LUZP2: variants seen among roughly 807,000 people sequenced by gnomAD.
LUZP2 encodes the protein leucine zipper protein 2.
In LUZP2, 52 loss-of-function variants were observed where a neutral mutation model predicts 51.6. That is an observed-to-expected ratio of 1.01 (90% CI 0.81 to 1.27). The LOEUF (loss-of-function observed/expected upper bound fraction) is 1.27, where lower values mean the gene tolerates loss of function less well. Ranked by LOEUF, LUZP2 falls within the 50% of genes most tolerant of loss-of-function variation. LUZP2 has a pLI of 0.00. For synonymous variants in LUZP2, 154 were observed against 137.3 expected (o/e 1.12, Z -0.85); for missense variants, 436 against 395.4 (o/e 1.10, Z -0.87).
rs571183533 is a variant in LUZP2 at position 24,742,057 on chromosome 11, T to TTTTATATATATATATATATA, written c.333+3756_333+3757insTTATATATATATATATATAT. Reference sequence around the variant, plus strand: ...TATAAATACATAAAAATAAATATAATTATATATATATATATATATCACCAT... The same window carrying TTTTATATATATATATATATA: ...TATAAATACATAAAAATAAATATAATTTTATATATATATATATATATATATATATATATATATATCACCAT... On this transcript the variant is annotated intron_variant, in intron 4 of 11. Coordinates refer to ENST00000336930, the MANE Select transcript of LUZP2 (RefSeq NM_001009909.4). Among the ~76,000 whole-genome samples the TTTTATATATATATATATATA allele has an allele frequency of 5.5e-3, 638 of 116,272 alleles. 45 individuals are homozygous for TTTTATATATATATATATATA. The highest frequency in any genetic ancestry group is 0.025 in the African/African-American group (596 of 23,814). The allele number at this position is 116,272 out of a possible 152,430, so 76.3% of individuals were successfully genotyped here.
chr11:24,963,529 A>G (rs1855484708), intron 7 of LUZP2, among the ~76,000 whole-genome samples: 1 of 152,124 alleles, frequency 6.6e-6, no homozygotes, highest in Admixed American at 6.5e-5. Context: ...CTGCTGTGCT[A>G]GCAACCAGCG....
intron 5 of LUZP2, among the ~76,000 whole-genome samples, chr11:24,764,490 T>TAAA (rs869045272): frequency 1.5e-4 from 14 of 94,056 alleles, no homozygotes; most frequent in African/African-American, 4.9e-4. Flanking sequence ...ATCTCATCTC[T>TAAA]AAAAAAAAAA....
At chr11:24,661,098 C>G (rs1590312166) in intron 1 of LUZP2, among the ~76,000 whole-genome samples, 1 of 152,018 alleles carries the variant, frequency 6.6e-6, no homozygotes, top group African/African-American at 2.4e-5. Context: ...ACTTTAGCTA[C>G]CAATTCATAT....
intron 1 of LUZP2, among the ~76,000 whole-genome samples, chr11:24,677,594 C>T (rs1304823341): frequency 6.6e-6 from 1 of 152,142 alleles, no homozygotes; most frequent in Non-Finnish European, 1.5e-5. Flanking sequence ...CCTGACCATT[C>T]TAGGTAGGTC....
intron 5 of LUZP2, among the ~76,000 whole-genome samples, chr11:24,871,705 GA>G (rs1852080670): frequency 1.3e-5 from 2 of 151,872 alleles, no homozygotes; most frequent in Non-Finnish European, 2.9e-5. Context: ...ATCTTTCATA[GA>G]GCCAGTATTC....
In LUZP2 at chr11:24,993,840, A is replaced by G. The variant is rs117165110; in HGVS notation, c.765+10547A>G. On this transcript the variant is annotated intron_variant, in intron 9 of 11. Transcript: ENST00000336930. ...AAGTTTTTAAATTTGATGAAGTCCA[A>G]TATATTTTTCCATTTCTTTTTTTTG... 6.9e-3 allele frequency among the ~76,000 whole-genome samples: 1,024 copies of G among 147,390 alleles called. 33 individuals carry two copies. The East Asian group carries it at 0.1, about 15-fold the overall frequency.
intron 1 of LUZP2, among the ~76,000 whole-genome samples, chr11:24,708,502 T>G (rs1002802500): frequency 6.6e-6 from 1 of 152,192 alleles, no homozygotes; most frequent in Non-Finnish European, 1.5e-5. Flanking sequence ...TCTTCAGTTT[T>G]GGTTCAATTC....
At chr11:24,710,438 C>T (rs1857766420) in intron 1 of LUZP2, among the ~76,000 whole-genome samples, 1 of 152,068 alleles carries the variant, frequency 6.6e-6, no homozygotes, top group African/African-American at 2.4e-5. Flanking sequence ...AATGCAAAGC[C>T]ATGGATTCTT....
chr11:24,861,188 G>A (rs1467747708), intron 5 of LUZP2, among the ~76,000 whole-genome samples: 3 of 152,126 alleles, frequency 2.0e-5, no homozygotes, highest in Middle Eastern at 3.4e-3. Flanking sequence ...TCAACCAAGT[G>A]GAAGAAAGGA....
chr11:24,827,137 T>C (rs1158030784), intron 5 of LUZP2, among the ~76,000 whole-genome samples: 3 of 152,220 alleles, frequency 2.0e-5, no homozygotes, highest in Non-Finnish European at 2.9e-5. Flanking sequence ...TAAGATTGAA[T>C]GGCCAATTTT....
chr11:24,998,932 A>G (rs540523403), intron 9 of LUZP2, among the ~76,000 whole-genome samples: 31 of 152,282 alleles, frequency 2.0e-4, no homozygotes, highest in African/African-American at 7.2e-4. Flanking sequence ...TTAAAATTTT[A>G]AAACTGTTTT....
At chr11:24,752,919 G>A (rs1003935210) in intron 4 of LUZP2, among the ~76,000 whole-genome samples, 1 of 151,894 alleles carries the variant, frequency 6.6e-6, no homozygotes, top group Non-Finnish European at 1.5e-5. Context: ...AATGTTCTAA[G>A]TTTAAAAATT....
chr11:25,059,226 G>T (rs149644034), intron 10 of LUZP2, among the ~76,000 whole-genome samples: 1 of 152,068 alleles, frequency 6.6e-6, no homozygotes, highest in Non-Finnish European at 1.5e-5. Flanking sequence ...ATAAAGAAGC[G>T]TTTAATAACA....
chr11:25,027,831 C>G (rs912619087), intron 9 of LUZP2, among the ~76,000 whole-genome samples: 6 of 149,292 alleles, frequency 4.0e-5, no homozygotes, highest in Non-Finnish European at 8.9e-5. Flanking sequence ...GATCACGCCA[C>G]TGCACTCCAG....
chr11:24,511,010 A>G (rs1305760923), intron 1 of LUZP2, among the ~76,000 whole-genome samples: 1 of 152,124 alleles, frequency 6.6e-6, no homozygotes, highest in Non-Finnish European at 1.5e-5. Context: ...CCTTTTATGA[A>G]TACTCCCCAT....
At chr11:24,720,166 G>T (rs550426659) in intron 1 of LUZP2, among the ~76,000 whole-genome samples, 1 of 152,086 alleles carries the variant, frequency 6.6e-6, no homozygotes, top group South Asian at 2.1e-4. Flanking sequence ...GGATTTGCAG[G>T]CCATATTATT....
chr11:24,509,741 A>G (rs1319992293), intron 1 of LUZP2, among the ~76,000 whole-genome samples: 1 of 151,790 alleles, frequency 6.6e-6, no homozygotes, highest in Non-Finnish European at 1.5e-5. Flanking sequence ...TTTTCTGAAT[A>G]CTTATCCTTG....
intron 1 of LUZP2, among the ~76,000 whole-genome samples, chr11:24,604,405 G>A (rs1391734602): frequency 6.6e-6 from 1 of 151,742 alleles, no homozygotes; most frequent in African/African-American, 2.4e-5. Context: ...TTCTACTCCT[G>A]AGTTGAGAGC....
chr11:24,953,958 C>G (rs113547693), intron 7 of LUZP2, among the ~76,000 whole-genome samples: 2,541 of 151,114 alleles, frequency 0.017, 38 homozygotes, highest in South Asian at 0.085. Context: ...TATAACCATA[C>G]AAATAAATGG....
Sources: gnomAD v4.1 joint callset for allele counts (sites outside exome capture counted in the v4.1 genomes callset) on GRCh38, gnomAD v4.1.1 for gene constraint, MANE v1.5 for transcripts, NCBI Gene and HGNC (gene_info 2026-07-23, HGNC 2026-07-21) for gene names.